The following NCAM1 variants were observed in gnomAD, a reference collection of about 807,000 sequenced individuals.
NCAM1 encodes antigen recognized by monoclonal antibody 5.1H11.
Under a neutral mutation model 109.8 loss-of-function variants are expected in NCAM1, and 14 were observed. The ratio of observed to expected loss-of-function variants is 0.13; its 90% CI spans 0.08 to 0.20. NCAM1 has a LOEUF of 0.20. Ranked by LOEUF, NCAM1 falls within the 10% of genes least tolerant of loss-of-function variation. The pLI is 1.00. For missense variants in NCAM1, 774 were observed against 1,109.9 expected (o/e 0.70, Z 4.30); for synonymous variants, 418 against 442.9 (o/e 0.94, Z 0.70).
chr11:113,114,450 A>G (rs1171283684), intron 1 of NCAM1, among the ~76,000 whole-genome samples: 1 of 152,248 alleles, frequency 6.6e-6, no homozygotes, highest in Non-Finnish European at 1.5e-5. Context: ...TTTAAGCAGC[A>G]GGAAAAGAAA....
intron 1 of NCAM1, among the ~76,000 whole-genome samples, chr11:113,189,464 A>AAAG (rs1555109449): frequency 6.7e-6 from 1 of 150,250 alleles, no homozygotes; most frequent in Non-Finnish European, 1.5e-5. Flanking sequence ...AAAAAAAAAA[A>AAAG]AAAGAAAAGA....
At chr11:113,087,441 A>G (rs1167388886) in intron 1 of NCAM1, among the ~76,000 whole-genome samples, 2 of 152,218 alleles carry the variant, frequency 1.3e-5, no homozygotes. Flanking sequence ...TTTTTTGTTC[A>G]AAGTGAACTT....
At position 113,221,431 on chromosome 11, in the gene NCAM1, G is replaced by A. The variant is rs1944691120; in HGVS notation, c.1089+106G>A. 6 of 1,228,634 alleles carry A rather than the reference G, an allele frequency of 4.9e-6. No homozygotes were observed. The South Asian group carries it at 8.0e-5, about 16-fold the overall frequency. The allele number at this position is 1,228,634 out of a possible 1,614,324, so 76.1% of individuals were successfully genotyped here. On this transcript the variant is annotated intron_variant, in intron 9 of 19. Transcript: ENST00000316851. The stretch of plus-strand genomic sequence containing the variant: ...ACATGCTAAACTAATTAGTAATTTA[G>A]CTAAAGAATAGGTCGATAGTGGTAG...
At chr11:113,204,186 TG>T in intron 2 of NCAM1, 99 bp from the exon 3 acceptor site, 2 of 954,444 alleles carry the variant, frequency 2.1e-6, no homozygotes, top group Non-Finnish European at 3.1e-6. Flanking sequence ...TTGACTGATC[TG>T]TTGTTCAGTA....
intron 15 of NCAM1, among the ~76,000 whole-genome samples, chr11:113,250,368 A>G (rs1555121050): frequency 1.3e-5 from 2 of 152,324 alleles, no homozygotes; most frequent in Non-Finnish European, 2.9e-5. Context: ...CAGGAAAGAG[A>G]ATCAGTGGTC....
intron 1 of NCAM1, among the ~76,000 whole-genome samples, chr11:113,173,686 C>T (rs1410430119): frequency 1.3e-5 from 2 of 149,300 alleles, no homozygotes; most frequent in African/African-American, 2.5e-5. Flanking sequence ...CAGAAAATCC[C>T]TGTCCAGGTT....
chr11:113,204,795 G>T (rs1396574554), intron 3 of NCAM1, among the ~76,000 whole-genome samples: 2 of 152,164 alleles, frequency 1.3e-5, no homozygotes, highest in Non-Finnish European at 2.9e-5. Context: ...TGACTGTTCT[G>T]CAATTTGGGC....
intron 1 of NCAM1, among the ~76,000 whole-genome samples, chr11:112,993,851 G>A (rs2134865579): frequency 6.6e-6 from 1 of 152,214 alleles, no homozygotes; most frequent in Non-Finnish European, 1.5e-5. Flanking sequence ...TTCATTGTCT[G>A]CCTATGTGAC....
At chr11:113,121,683 T>G (rs1037178483) in intron 1 of NCAM1, among the ~76,000 whole-genome samples, 7 of 152,170 alleles carry the variant, frequency 4.6e-5, no homozygotes, top group Non-Finnish European at 1.0e-4. Context: ...GGCTCCTTCT[T>G]ATCTTGGTCA....
chr11:112,987,640 T>C (rs1006320318), intron 1 of NCAM1, among the ~76,000 whole-genome samples: 4 of 152,190 alleles, frequency 2.6e-5, no homozygotes, highest in Non-Finnish European at 5.9e-5. Flanking sequence ...TATTATGTAA[T>C]GGCCTTTTTT....
Position 112,962,601 on chromosome 11 carries a change from G to C in NCAM1, c.52+937G>C, listed in dbSNP as rs1950600202. Among the ~76,000 whole-genome samples the C allele has an allele frequency of 1.3e-5, 2 of 152,290 alleles. No individual in the cohort carries two copies. The highest frequency in any genetic ancestry group is 4.1e-4 in the South Asian group (2 of 4,822). On this transcript the variant is annotated intron_variant, in intron 1 of 19. Transcript: ENST00000316851. This position sits in a 1 kb window ranked among gnomAD's most constrained non-coding sequence, Gnocchi z 5.6. ...GCAAAGTGTGAACAATAGGGAGCTG[G>C]GAGGAAGACAGTAGTGATGCTGCCG...
At chr11:113,107,532 GTGTC>G (rs1940227971) in intron 1 of NCAM1, among the ~76,000 whole-genome samples, 1 of 152,174 alleles carries the variant, frequency 6.6e-6, no homozygotes, top group African/African-American at 2.4e-5. Flanking sequence ...ACAGTTCTAA[GTGTC>G]TGGGGAGACC....
chr11:113,127,105 C>CTTGTCAA (rs1481728868), intron 1 of NCAM1, among the ~76,000 whole-genome samples: 1 of 152,214 alleles, frequency 6.6e-6, no homozygotes, highest in Non-Finnish European at 1.5e-5. Context: ...CCCTGTTCTA[C>CTTGTCAA]TACCTCTTAT....
At chr11:113,227,883 A>G (rs1239080081) in intron 9 of NCAM1, among the ~76,000 whole-genome samples, 5 of 152,022 alleles carry the variant, frequency 3.3e-5, no homozygotes, top group African/African-American at 1.2e-4. Flanking sequence ...AAATCCAACA[A>G]CCCTTCATGC....
chr11:113,118,324 G>A (rs1162733266), intron 1 of NCAM1, among the ~76,000 whole-genome samples: 1 of 151,888 alleles, frequency 6.6e-6, no homozygotes. Flanking sequence ...GCCTGACAGG[G>A]AGATAAGCCC....
chr11:113,097,284 CA>C (rs1291604118), intron 1 of NCAM1, among the ~76,000 whole-genome samples: 1 of 152,202 alleles, frequency 6.6e-6, no homozygotes, highest in Non-Finnish European at 1.5e-5. Flanking sequence ...GTGGATTCAG[CA>C]TAGTTTTATT....
At chr11:113,275,116 T>C in intron 19 of NCAM1, 151 bp from the exon 20 acceptor site, 1 of 1,013,206 alleles carries the variant, frequency 9.9e-7, no homozygotes, top group Non-Finnish European at 1.4e-6. Context: ...TGATTTTTAG[T>C]GCTCCCAGGT....
At chr11:113,265,490 A>G (rs537553687) in intron 17 of NCAM1, among the ~76,000 whole-genome samples, 167 of 152,328 alleles carry the variant, frequency 1.1e-3, no homozygotes, top group Non-Finnish European at 1.9e-3. Flanking sequence ...GAGCCAACAG[A>G]TGCACAACTC....
intron 3 of NCAM1, 35 bp downstream of exon 3, chr11:113,204,539 C>G (rs782274878): frequency 1.3e-6 from 2 of 1,597,690 alleles, no homozygotes; most frequent in South Asian, 2.2e-5. Context: ...ATTCTCTGGC[C>G]TCTCCTTGCC....
Sources: allele counts gnomAD v4.1 joint callset (sites outside exome capture counted in the v4.1 genomes callset), GRCh38; gene constraint gnomAD v4.1.1; non-coding constraint Gnocchi (gnomAD v3.1); transcripts MANE v1.5; gene names NCBI Gene and HGNC (gene_info 2026-07-23, HGNC 2026-07-21).